CSMD1: variants seen among roughly 807,000 people sequenced by gnomAD.
CSMD1 encodes CUB and sushi domain-containing protein 1.
CSMD1 carries 213 observed loss-of-function variants against 417.5 expected under a neutral mutation model. The ratio of observed to expected loss-of-function variants is 0.51; its 90% CI spans 0.46 to 0.57. The LOEUF is 0.57. Among genes scored for constraint, CSMD1 ranks in the 20% least tolerant of loss-of-function variants. The pLI, the probability that CSMD1 is intolerant of heterozygous loss-of-function variation, is 0.00. For synonymous variants in CSMD1, 2,862 were observed against 1,736.8 expected (o/e 1.65, Z -16.11); for missense variants, 6,923 against 4,529.7 (o/e 1.53, Z -15.17).
chr8:4,757,328 A>G (rs752217365), intron 1 of CSMD1, among the ~76,000 whole-genome samples: 9 of 152,192 alleles, frequency 5.9e-5, no homozygotes, highest in Middle Eastern at 3.2e-3. Flanking sequence ...TCATGTCTTG[A>G]ATTTCTCCTG....
intron 3 of CSMD1, among the ~76,000 whole-genome samples, chr8:4,249,663 C>T (rs1653461984): frequency 6.6e-6 from 1 of 152,112 alleles, no homozygotes; most frequent in Non-Finnish European, 1.5e-5. Context: ...TTGAGAGCTG[C>T]CAGCTCTCTT....
At chr8:4,983,284 G>C (rs568065082) in intron 1 of CSMD1, among the ~76,000 whole-genome samples, 1 of 152,176 alleles carries the variant, frequency 6.6e-6, no homozygotes, top group Non-Finnish European at 1.5e-5. Flanking sequence ...ACTCTTCAAC[G>C]AGTGTTTTCA....
chr8:3,863,330 G>C (rs1311276490), intron 5 of CSMD1, among the ~76,000 whole-genome samples: 1 of 151,298 alleles, frequency 6.6e-6, no homozygotes, highest in Admixed American at 6.6e-5. Flanking sequence ...CCAGGAGATG[G>C]TGGTTGCAGG....
rs140888333 is a variant in CSMD1, at chr8:3,725,589, C to T, written c.932-17098G>A. Among the ~76,000 whole-genome samples, 40 of 152,072 alleles carry T rather than the reference C, an allele frequency of 2.6e-4. No individual in the cohort carries two copies. In the East Asian group the frequency reaches 6.2e-3, roughly 24 times the overall value. ...TAGAAACAGTTGAGGAGAGAGGAAG[C>T]CTGATGGCTTAGGAGAGAGAAGGTT... On this transcript the variant is annotated intron_variant, in intron 6 of 69. Transcript: ENST00000635120.
intron 1 of CSMD1, chr8:4,788,332 G>C (rs1259534939): frequency 5.8e-6 from 9 of 1,552,130 alleles, no homozygotes; most frequent in Admixed American, 5.5e-5. Flanking sequence ...GTGATGTCTG[G>C]GAACACTGCA....
intron 5 of CSMD1, among the ~76,000 whole-genome samples, chr8:3,885,654 C>T (rs1585139861): frequency 6.6e-6 from 1 of 152,208 alleles, no homozygotes; most frequent in South Asian, 2.1e-4. Context: ...TCTATTCCCC[C>T]TCATTATTCT....
chr8:3,502,825 C>T (rs1307427649), intron 10 of CSMD1, among the ~76,000 whole-genome samples: 1 of 152,144 alleles, frequency 6.6e-6, no homozygotes, highest in Non-Finnish European at 1.5e-5. Flanking sequence ...GAGTAAATAG[C>T]AGCCGGAGTG....
chr8:4,077,279 C>CTATATATATATATATGTGTGTATATATA (rs1799868830), intron 3 of CSMD1, among the ~76,000 whole-genome samples: 2 of 94,988 alleles, frequency 2.1e-5, no homozygotes, highest in African/African-American at 4.2e-5. Context: ...CATTTGTCAC[C>CTATATATATATATATGTGTGTATATATA]TATATATATA....
rs570805084 is a variant in CSMD1, at chr8:4,144,022, G to A, written c.416-111923C>T. On this transcript the variant is annotated intron_variant, in intron 3 of 69. Coordinates refer to ENST00000635120, the MANE Select transcript of CSMD1 (RefSeq NM_033225.6). ...ACACGGTGGAAGGAGGAGGGCTATA[G>A]AGAAAGCAGCCTTTGATCCTTTGTT... Among the ~76,000 whole-genome samples the A allele has an allele frequency of 1.3e-5, 2 of 151,272 alleles. 1 individual carries two copies. The highest frequency in any genetic ancestry group is 4.9e-5 in the African/African-American group (2 of 40,574).
intron 3 of CSMD1, among the ~76,000 whole-genome samples, chr8:4,077,536 T>G (rs1368227459): frequency 6.6e-6 from 1 of 152,022 alleles, no homozygotes. Context: ...CTGAAGTCAC[T>G]CTGGTCAAAA....
intron 5 of CSMD1, among the ~76,000 whole-genome samples, chr8:3,786,642 A>C (rs1217735043): frequency 6.6e-6 from 1 of 152,120 alleles, no homozygotes. Context: ...ATCTTAGTTC[A>C]CTCGAGATGC....
chr8:4,566,027 T>C (rs554894661), intron 2 of CSMD1, among the ~76,000 whole-genome samples: 47 of 152,144 alleles, frequency 3.1e-4, no homozygotes, highest in African/African-American at 1.1e-3. Flanking sequence ...CATATAACTT[T>C]AGCGAAACCT....
At chr8:3,610,053 G>C (rs547500751) in intron 8 of CSMD1, among the ~76,000 whole-genome samples, 2 of 151,900 alleles carry the variant, frequency 1.3e-5, no homozygotes, top group South Asian at 2.1e-4. Flanking sequence ...ACCCACCTTA[G>C]CCTACAGCAC....
intron 5 of CSMD1, among the ~76,000 whole-genome samples, chr8:3,916,268 A>C (rs1321861080): frequency 6.6e-6 from 1 of 152,154 alleles, no homozygotes; most frequent in East Asian, 1.9e-4. Context: ...AGGAGCCCAG[A>C]AAGCTTTTGT....
intron 2 of CSMD1, among the ~76,000 whole-genome samples, chr8:4,592,130 T>A (rs535920209): frequency 1.3e-5 from 2 of 151,872 alleles, no homozygotes; most frequent in Admixed American, 1.3e-4. Context: ...CATAACGGAT[T>A]CCTGATTTAT....
intron 3 of CSMD1, among the ~76,000 whole-genome samples, chr8:4,133,657 G>A (rs1316880081): frequency 6.6e-6 from 1 of 152,124 alleles, no homozygotes; most frequent in African/African-American, 2.4e-5. Context: ...AAATCTCCAT[G>A]TAAGTGTAGG....
chr8:3,535,859 C>T (rs1798173917), intron 10 of CSMD1, among the ~76,000 whole-genome samples: 1 of 152,050 alleles, frequency 6.6e-6, no homozygotes, highest in South Asian at 2.1e-4. Flanking sequence ...GGTATTTGGC[C>T]CTGTTGTAGG....
At chr8:4,178,645 C>G (rs1446439350) in intron 3 of CSMD1, among the ~76,000 whole-genome samples, 1 of 152,088 alleles carries the variant, frequency 6.6e-6, no homozygotes. Flanking sequence ...CAAATTGTCC[C>G]TTTTTGCAGA....
intron 6 of CSMD1, 38 bp from the exon 7 acceptor site, chr8:3,708,529 T>G: frequency 1.3e-6 from 2 of 1,568,280 alleles, no homozygotes; most frequent in Non-Finnish European, 1.8e-6. Flanking sequence ...CAGGTAAGAC[T>G]TGGAGATCAT....
Sources: gnomAD v4.1 joint callset for allele counts (sites outside exome capture counted in the v4.1 genomes callset) on GRCh38, gnomAD v4.1.1 for gene constraint, MANE v1.5 for transcripts, NCBI Gene and HGNC (gene_info 2026-07-23, HGNC 2026-07-21) for gene names.